The following LONP1 variants were observed in gnomAD, a reference collection of about 807,000 sequenced individuals.
The protein encoded by LONP1 is lon protease homolog, mitochondrial.
In LONP1, 31 loss-of-function variants were observed where a neutral mutation model predicts 98.5. That is an observed-to-expected ratio of 0.31 (90% confidence interval 0.24 to 0.42). The LOEUF is 0.42. Among genes scored for constraint, LONP1 ranks in the 20% least tolerant of loss-of-function variants. The pLI is 1.00. For synonymous variants in LONP1, 781 were observed against 594.7 expected (o/e 1.31, Z -4.56); for missense variants, 1,336 against 1,350.6 (o/e 0.99, Z 0.17).
intron 1 of LONP1, among the ~76,000 whole-genome samples, chr19:5,719,177 C>G (rs941363766): frequency 3.9e-5 from 6 of 152,132 alleles, no homozygotes; most frequent in African/African-American, 1.4e-4. Context: ...GTACAGCGCG[C>G]GCCACCATGC....
chr19:5,707,385 A>G (rs559168458), intron 6 of LONP1, among the ~76,000 whole-genome samples: 1 of 152,210 alleles, frequency 6.6e-6, no homozygotes, highest in Non-Finnish European at 1.5e-5. Flanking sequence ...TGCTGCTCAC[A>G]ACAGCAAAAG....
Position 5,720,015 on chromosome 19 carries a change from G to A in LONP1, c.118C>T (p.Leu40Phe), listed in dbSNP as rs1432647664. The change falls in exon 1 of 18, where the codon CTC becomes TTC. Residue 40 changes from leucine to phenylalanine, a missense_variant. Leu to Phe is a conservative substitution (Grantham distance 22). Coordinates refer to ENST00000360614, the MANE Select transcript of LONP1 (RefSeq NM_004793.4). ...RVPTAAGAWLLRGQRTCDASP... is the reference protein window; with the variant it reads ...RVPTAAGAWLFRGQRTCDASP... ...GCGTCGCAGGTCCGCTGGCCTCGGA[G>A]CAACCACGCTCCTGCTGCAGTGGGA... 1.3e-6 allele frequency: 2 copies of A among 1,570,858 alleles called. No homozygotes were observed. The highest frequency in any genetic ancestry group is 1.7e-6 in the Non-Finnish European group (2 of 1,161,178).
chr19:5,709,009 T>C (rs1391138665), intron 4 of LONP1: 1 of 102,524 alleles, frequency 9.8e-6, no homozygotes, highest in Non-Finnish European at 1.8e-5. Flanking sequence ...CGAGACTCTG[T>C]CTCAAAAAAA....
At chr19:5,692,324 CTAAGCAG>C (rs1398008318) in intron 17 of LONP1, 116 bp from the exon 18 acceptor site, 2 of 1,070,446 alleles carry the variant, frequency 1.9e-6, no homozygotes, top group Non-Finnish European at 2.7e-6. Context: ...ATGCCGGGTT[CTAAGCAG>C]TAAGTCCCAA....
chr19:5,694,633 TGTGAC>T (rs1426631580), intron 14 of LONP1, 81 bp from the exon 15 acceptor site: 45 of 1,529,140 alleles, frequency 2.9e-5, no homozygotes, highest in Non-Finnish European at 8.9e-6. Context: ...CACAGAAAGG[TGTGAC>T]GGGCGCGGGG....
intron 8 of LONP1, among the ~76,000 whole-genome samples, chr19:5,702,337 C>G (rs1293272507): frequency 6.7e-6 from 1 of 149,688 alleles, no homozygotes; most frequent in African/African-American, 2.5e-5. Flanking sequence ...GCCAGCCGCC[C>G]CGTCCGGGAG....
chr19:5,714,702 T>C lies in LONP1; in HGVS notation c.430-431A>G, dbSNP rs1452228079. On this transcript the variant is annotated intron_variant, in intron 1 of 17. Transcript: ENST00000360614. ...GGCATGATCTCAGCTCACTGCAACC[T>C]CCGCCTCCCGGGATCAAGCAATTCT... 4.2e-5 allele frequency among the ~76,000 whole-genome samples: 6 copies of C among 143,734 alleles called. No homozygotes were observed. In the East Asian group the frequency reaches 1.3e-3, roughly 31 times the overall value. 94.3% of individuals were successfully genotyped at this position (143,734 alleles called of 152,430 possible). A position where few individuals can be genotyped will look rare whatever the true frequency, so the allele number is the denominator to read the frequency against.
At chr19:5,698,313 G>T (rs917045002) in intron 10 of LONP1, among the ~76,000 whole-genome samples, 2 of 152,204 alleles carry the variant, frequency 1.3e-5, no homozygotes, top group South Asian at 4.1e-4. Flanking sequence ...CTGGACTCAA[G>T]TGAATGCCTT....
chr19:5,700,719 C>T, intron 9 of LONP1, 70 bp downstream of exon 9: 1 of 1,585,818 alleles, frequency 6.3e-7, no homozygotes. Flanking sequence ...AATCTCAACC[C>T]ACAGCACACA....
chr19:5,705,804 C>G lies in LONP1; in HGVS notation c.1335G>C (p.Leu445=). 6.2e-7 allele frequency: 1 copy of G among 1,614,104 alleles called. No individual in the cohort carries two copies. The highest frequency in any genetic ancestry group is 8.5e-7 in the Non-Finnish European group (1 of 1,180,046). The part of the protein sequence containing the change: ...MDVVDEELSK[L]GLLDNHSSEF... ...CCGAGGAGTGGTTGTCCAGCAGGCC[C>G]AGCTTGCTCAGCTCCTCGTCCACAA... Residue 445 remains leucine, a synonymous_variant, in exon 8 of 18, where the codon CTG becomes CTC. Coordinates refer to ENST00000360614, the MANE Select transcript of LONP1 (RefSeq NM_004793.4).
At chr19:5,696,510 G>C in intron 11 of LONP1, 139 bp from the exon 12 acceptor site, 1 of 1,341,104 alleles carries the variant, frequency 7.5e-7, no homozygotes, top group South Asian at 1.4e-5. Context: ...CAGCCTGCTG[G>C]GCGTGGCTGT....
intron 13 of LONP1, among the ~76,000 whole-genome samples, 180 bp downstream of exon 13, chr19:5,695,874 C>G (rs891745319): frequency 1.3e-5 from 2 of 152,292 alleles, no homozygotes; most frequent in South Asian, 4.1e-4. Flanking sequence ...CGCCCACTCG[C>G]GCCACCTGCA....
intron 1 of LONP1, 86 bp from the exon 2 acceptor site, chr19:5,714,357 T>A: frequency 1.1e-6 from 1 of 926,616 alleles, no homozygotes; most frequent in Non-Finnish European, 1.7e-6. Flanking sequence ...GGCTGGAATG[T>A]AATGGCGTGA....
intron 17 of LONP1, 62 bp from the exon 18 acceptor site, chr19:5,692,270 C>G (rs931720907): frequency 6.6e-7 from 1 of 1,517,108 alleles, no homozygotes; most frequent in Admixed American, 2.0e-5. Flanking sequence ...GTGTGCTAAC[C>G]TCCAGGAACG....
At chr19:5,698,941 C>A in intron 10 of LONP1, 86 bp downstream of exon 10, 1 of 1,380,532 alleles carries the variant, frequency 7.2e-7, no homozygotes, top group South Asian at 1.4e-5. Flanking sequence ...ATTGCTCTAC[C>A]AGATGTTAAA....
chr19:5,714,363 C>T (rs542033070), intron 1 of LONP1, 92 bp from the exon 2 acceptor site: 5 of 874,170 alleles, frequency 5.7e-6, no homozygotes, highest in Admixed American at 1.9e-5. Flanking sequence ...AATGTAATGG[C>T]GTGATCTCAG....
chr19:5,694,827 C>A lies in LONP1; in HGVS notation c.2088G>T (p.Leu696=). The A allele has an allele frequency of 1.2e-6, 2 of 1,602,712 alleles. No individual in the cohort carries two copies. Among genetic ancestry groups the A allele is most frequent in the South Asian group, 2.2e-5 (2 of 90,878 alleles). The change falls in exon 14 of 18, where the codon CTG becomes CTT. Residue 696 remains leucine (L), a synonymous_variant. Coordinates refer to ENST00000360614, the MANE Select transcript of LONP1 (RefSeq NM_004793.4). ...ESKAKLSSDV[L]TLLIKQYCRE... Reference sequence around the variant, plus strand: ...GGCAGTACTGCTTGATGAGCAGCGTCAGCACGTCCGATGACAGCTTGGCCT... The same window carrying A: ...GGCAGTACTGCTTGATGAGCAGCGTAAGCACGTCCGATGACAGCTTGGCCT...
intron 4 of LONP1, among the ~76,000 whole-genome samples, chr19:5,709,817 CAGG>C (rs903229108): frequency 7.1e-6 from 1 of 140,486 alleles, no homozygotes; most frequent in African/African-American, 2.7e-5. Context: ...GAGGCTGAGG[CAGG>C]AGAATGGTGT....
chr19:5,695,861 C>A (rs565310664), intron 13 of LONP1, among the ~76,000 whole-genome samples, 193 bp downstream of exon 13: 1 of 152,328 alleles, frequency 6.6e-6, no homozygotes, highest in South Asian at 2.1e-4. Context: ...GCCCTAAACC[C>A]TGCGCCCACT....
Sources: allele counts gnomAD v4.1 joint callset (sites outside exome capture counted in the v4.1 genomes callset), GRCh38; gene constraint gnomAD v4.1.1; transcripts MANE v1.5; gene names NCBI Gene and HGNC (gene_info 2026-07-23, HGNC 2026-07-21).